Variants in ANKRD27 observed in about 807,000 individuals in gnomAD.
ANKRD27 encodes the protein ankyrin repeat domain 27.
Under a neutral mutation model 129.7 loss-of-function variants are expected in ANKRD27, and 112 were observed. The ratio of observed to expected loss-of-function variants is 0.86; its 90% CI spans 0.74 to 1.01. ANKRD27 has a LOEUF of 1.01. ANKRD27 is among the 50% of genes least tolerant of loss of function. The pLI is 0.00. For missense variants in ANKRD27, 1,258 were observed against 1,300.5 expected (o/e 0.97, Z 0.50); for synonymous variants, 516 against 511.2 (o/e 1.01, Z -0.13).
At chr19:32,669,417 T>C (rs1967823914) in intron 1 of ANKRD27, among the ~76,000 whole-genome samples, 1 of 152,224 alleles carries the variant, frequency 6.6e-6, no homozygotes, top group Non-Finnish European at 1.5e-5. Flanking sequence ...CACAATGAGA[T>C]AATGCAATTT....
intron 22 of ANKRD27, 85 bp from the exon 23 acceptor site, chr19:32,607,917 A>G: frequency 2.2e-6 from 3 of 1,345,986 alleles, no homozygotes; most frequent in Non-Finnish European, 3.1e-6. Flanking sequence ...TGCCCCCCAC[A>G]GCTCCCACAC....
chr19:32,604,199 A>C, intron 25 of ANKRD27, 64 bp downstream of exon 25: 1 of 1,507,138 alleles, frequency 6.6e-7, no homozygotes, highest in Non-Finnish European at 9.0e-7. Flanking sequence ...GCTTAAACAA[A>C]GGGATCCAGA....
At chr19:32,671,828 G>A (rs1360696190) in intron 1 of ANKRD27, among the ~76,000 whole-genome samples, 3 of 152,206 alleles carry the variant, frequency 2.0e-5, no homozygotes, top group Admixed American at 6.5e-5. Flanking sequence ...ATCCCTGCCT[G>A]GGCTCAAATG....
intron 1 of ANKRD27, among the ~76,000 whole-genome samples, chr19:32,669,054 C>T (rs10417699): frequency 0.053 from 8,044 of 152,216 alleles, 741 homozygotes; most frequent in African/African-American, 0.18. Flanking sequence ...TCAAGTAATC[C>T]TCCCGCCTCA....
Position 32,609,013 on chromosome 19 carries a change from G to A in ANKRD27, c.2176-1181C>T, listed in dbSNP as rs144775945. ...CTCCCAAGTAGCTGGGATTACAGGC[G>A]TGTGCCACCACACCTGGCTGATTTT... is the stretch of plus-strand genomic sequence containing the variant. On this transcript the variant is annotated intron_variant, in intron 22 of 28. Coordinates refer to ENST00000306065, the MANE Select transcript of ANKRD27 (RefSeq NM_032139.3). Among the ~76,000 whole-genome samples the A allele has an allele frequency of 2.2e-3, 341 of 152,046 alleles. 6 individuals are homozygous for A. In the East Asian group the frequency reaches 0.032, roughly 14 times the overall value.
intron 1 of ANKRD27, among the ~76,000 whole-genome samples, chr19:32,674,732 C>G (rs1967948967): frequency 6.6e-6 from 1 of 151,726 alleles, no homozygotes; most frequent in Non-Finnish European, 1.5e-5. Flanking sequence ...GACCGCCCCG[C>G]GCCCCGCCAG....
chr19:32,666,599 G>C (rs1472029010), intron 1 of ANKRD27, among the ~76,000 whole-genome samples: 1 of 151,894 alleles, frequency 6.6e-6, no homozygotes, highest in East Asian at 1.9e-4. Flanking sequence ...CTCTCAGAGG[G>C]GGTGCCTACA....
rs1343858605 is a variant in ANKRD27 at position 32,641,388 on chromosome 19, T to A, written c.904+636A>T. The stretch of plus-strand genomic sequence containing the variant: ...AAGGTCCTTCCTAAGGTCACTTCCA[T>A]TTTATAGACATGGAGTCCACTGCCC... On this transcript the variant is annotated intron_variant, in intron 10 of 28. Transcript: ENST00000306065. 2.6e-5 allele frequency among the ~76,000 whole-genome samples: 4 copies of A among 152,164 alleles called. No homozygotes were observed. The East Asian group carries it at 7.7e-4, about 29-fold the overall frequency.
At chr19:32,671,244 C>T (rs1023320583) in intron 1 of ANKRD27, among the ~76,000 whole-genome samples, 1 of 151,656 alleles carries the variant, frequency 6.6e-6, no homozygotes, top group Non-Finnish European at 1.5e-5. Flanking sequence ...GTTATGACTG[C>T]ACCACTGCAC....
rs537320024 is a variant in ANKRD27, at chr19:32,600,842, T to C, written c.2768-792A>G. Among the ~76,000 whole-genome samples the C allele has an allele frequency of 5.4e-4, 83 of 152,302 alleles. No individual in the cohort carries two copies. The South Asian group carries it at 6.8e-3, about 13-fold the overall frequency. ...TTATCCATATTATTGTATTGCATTATTGCATACCTCACTGGATAATATTTC... is the reference window on the plus strand; with the variant it reads ...TTATCCATATTATTGTATTGCATTACTGCATACCTCACTGGATAATATTTC... On this transcript the variant is annotated intron_variant, in intron 26 of 28. Coordinates refer to ENST00000306065, the MANE Select transcript of ANKRD27 (RefSeq NM_032139.3).
chr19:32,642,211 A>ACGAC, intron 9 of ANKRD27, 66 bp from the exon 10 acceptor site: 1 of 1,418,314 alleles, frequency 7.1e-7, no homozygotes, highest in Non-Finnish European at 9.4e-7. Context: ...CCTGGATCTA[A>ACGAC]GAACACATCT....
intron 2 of ANKRD27, among the ~76,000 whole-genome samples, chr19:32,655,711 G>A (rs375070213): frequency 9.2e-5 from 14 of 151,648 alleles, no homozygotes; most frequent in East Asian, 2.0e-4. Flanking sequence ...TGAGAACGCC[G>A]TCTCTACAAA....
At chr19:32,669,306 C>A (rs1407118565) in intron 1 of ANKRD27, among the ~76,000 whole-genome samples, 2 of 152,184 alleles carry the variant, frequency 1.3e-5, no homozygotes, top group African/African-American at 4.8e-5. Context: ...CGCATATAAT[C>A]CCTGCCTGGG....
Position 32,658,933 on chromosome 19 carries a change from A to G in ANKRD27, c.83T>C (p.Val28Ala), listed in dbSNP as rs1312457360. Residue 28 changes from valine (V) to alanine (A), a missense_variant, in exon 2 of 29, where the codon GTG becomes GCG. Physicochemically the swap from Val to Ala is moderately conservative, Grantham distance 64 (BLOSUM62 0). Transcript: ENST00000306065. ...QKCRPDLCSK[V>A]AQIHGIVLVP... ...ACTTACAATGCCATGGATTTGGGCC[A>G]CTTTGCTGCACAAGTCAGGGCGGCA... 19 of 1,614,004 alleles carry G rather than the reference A, an allele frequency of 1.2e-5. No homozygotes were observed. The Admixed American group carries it at 3.2e-4, about 27-fold the overall frequency.
At chr19:32,648,578 A>C (rs563384149) in intron 3 of ANKRD27, among the ~76,000 whole-genome samples, 36 of 152,188 alleles carry the variant, frequency 2.4e-4, no homozygotes, top group Non-Finnish European at 4.1e-4. Flanking sequence ...AGGCGGGTGG[A>C]TCATGAGGTG....
chr19:32,615,539 G>A, intron 22 of ANKRD27, 119 bp downstream of exon 22: 7 of 1,533,104 alleles, frequency 4.6e-6, no homozygotes, highest in Non-Finnish European at 4.5e-6. Context: ...GGTCATGACT[G>A]TACCACTGCA....
chr19:32,613,259 G>C (rs1461093715), intron 22 of ANKRD27, among the ~76,000 whole-genome samples: 1 of 152,152 alleles, frequency 6.6e-6, no homozygotes, highest in Admixed American at 6.6e-5. Context: ...GGCTAAAACA[G>C]AAAATAATGA....
chr19:32,647,505 G>C (rs1967325799), intron 3 of ANKRD27, among the ~76,000 whole-genome samples: 2 of 152,186 alleles, frequency 1.3e-5, no homozygotes, highest in African/African-American at 4.8e-5. Context: ...GTTTTTCCCG[G>C]CATCCCCATA....
intron 11 of ANKRD27, among the ~76,000 whole-genome samples, chr19:32,639,767 T>C (rs1272370559): frequency 6.6e-6 from 1 of 152,152 alleles, no homozygotes; most frequent in Non-Finnish European, 1.5e-5. Flanking sequence ...CCAGAAAGAA[T>C]GGCAATCAGC....
Sources: gnomAD v4.1 joint callset for allele counts (sites outside exome capture counted in the v4.1 genomes callset) on GRCh38, gnomAD v4.1.1 for gene constraint, MANE v1.5 for transcripts, NCBI Gene and HGNC (gene_info 2026-07-23, HGNC 2026-07-21) for gene names.